The following ASTN1 variants were observed in gnomAD, a reference collection of about 807,000 sequenced individuals.
The protein encoded by ASTN1 is astrotactin-1.
A neutral mutation model predicts 140.7 loss-of-function variants in ASTN1; 41 were observed. The ratio of observed to expected loss-of-function variants is 0.29; its 90% CI spans 0.23 to 0.38. The LOEUF (loss-of-function observed/expected upper bound fraction) is 0.38, where lower values mean the gene tolerates loss of function less well. Among genes scored for constraint, ASTN1 ranks in the 10% least tolerant of loss-of-function variants. ASTN1 has a pLI of 1.00. For synonymous variants in ASTN1, 640 were observed against 652.2 expected, an observed-to-expected ratio of 0.98 and a Z score of 0.29; for missense variants, 1,479 against 1,678.8, an observed-to-expected ratio of 0.88 and a Z score of 2.08.
chr1:176,866,521 G>T (rs1439490471), intron 22 of ASTN1, among the ~76,000 whole-genome samples: 1 of 152,128 alleles, frequency 6.6e-6, no homozygotes, highest in Non-Finnish European at 1.5e-5. Flanking sequence ...GAAGAAAGAG[G>T]GAGTGGCAGA....
intron 1 of ASTN1, among the ~76,000 whole-genome samples, chr1:177,124,959 A>G (rs1681573005): frequency 6.6e-6 from 1 of 152,232 alleles, no homozygotes. Flanking sequence ...GCAAGTGTTC[A>G]GCCAGCATCA....
rs1411325059 is a variant in ASTN1 at position 177,032,571 on chromosome 1, G to A, written c.750C>T (p.Arg250=). 4 of 1,614,218 alleles carry A rather than the reference G, an allele frequency of 2.5e-6. No homozygotes were observed. The highest frequency in any genetic ancestry group is 4.5e-5 in the East Asian group (2 of 44,878). Residue 250 remains arginine (R), a synonymous_variant, in exon 3 of 23, where the codon CGC becomes CGT. Coordinates refer to ENST00000361833, the MANE Select transcript of ASTN1 (RefSeq NM_004319.3). The stretch of plus-strand genomic sequence containing the variant: ...TCATGCACTCCCTCTGCAGATGGTG[G>A]CGCAGATCAGTGATGTCATACTCAT... ...DGYEYDITDL[R]HHLQRECMNG...
intron 1 of ASTN1, among the ~76,000 whole-genome samples, chr1:177,089,629 A>G (rs1679644293): frequency 2.6e-5 from 4 of 152,148 alleles, no homozygotes; most frequent in African/African-American, 9.6e-5. Context: ...AGACAAATGC[A>G]TGAAGGGCTG....
Position 176,894,563 on chromosome 1 carries a change from C to G in ASTN1, c.2939G>C (p.Arg980Thr). ...AGCCAAGAGTCCCAGGCCTCTTACC[C>G]TCTGGGTCTGGTTGTTGGTCACTAG... ...YELVTNNQTQ[R>T]LLQEATMSSL... Residue 980 changes from arginine to threonine, a missense_variant and splice_region_variant, in exon 17 of 23, where the codon AGG becomes ACG. Physicochemically the swap from Arg to Thr is moderately conservative, Grantham distance 71. Around this residue, in one of 3 missense-constraint regions of ASTN1, gnomAD observed 746 missense variants for 800.9 expected, o/e 0.93. Coordinates refer to ENST00000361833, the MANE Select transcript of ASTN1 (RefSeq NM_004319.3). 6.2e-7 allele frequency: 1 copy of G among 1,613,876 alleles called. No individual in the cohort carries two copies. Among genetic ancestry groups the G allele is most frequent in the Non-Finnish European group, 8.5e-7 (1 of 1,179,980 alleles).
intron 7 of ASTN1, among the ~76,000 whole-genome samples, chr1:177,018,743 C>A (rs1218037039): frequency 6.6e-6 from 1 of 152,120 alleles, no homozygotes; most frequent in Admixed American, 6.5e-5. Flanking sequence ...AGAGAAAGGT[C>A]ACTGAAACCA....
At chr1:176,883,427 C>T (rs1668893764) in intron 19 of ASTN1, among the ~76,000 whole-genome samples, 1 of 152,088 alleles carries the variant, frequency 6.6e-6, no homozygotes, top group African/African-American at 2.4e-5. Flanking sequence ...AAATCCTGAC[C>T]TCGTGATCCG....
intron 8 of ASTN1, among the ~76,000 whole-genome samples, chr1:177,005,936 T>A (rs1297709584): frequency 1.3e-5 from 2 of 152,196 alleles, no homozygotes; most frequent in Non-Finnish European, 2.9e-5. Flanking sequence ...TAGCATTATG[T>A]GAGGGATTAC....
intron 1 of ASTN1, 62 bp from the exon 2 acceptor site, chr1:177,061,327 T>C: frequency 1.4e-6 from 2 of 1,406,934 alleles, no homozygotes; most frequent in Non-Finnish European, 1.9e-6. Context: ...TTTCATCTTC[T>C]TCCTCGCCAC....
At chr1:177,073,766 C>A (rs904176604) in intron 1 of ASTN1, among the ~76,000 whole-genome samples, 5 of 151,342 alleles carry the variant, frequency 3.3e-5, no homozygotes, top group African/African-American at 1.2e-4. Flanking sequence ...AAGGCTCTTG[C>A]ACATACTACC....
In ASTN1 at chr1:176,887,366, C is replaced by T. The variant is rs554440482; in HGVS notation, c.3074+705G>A. Among the ~76,000 whole-genome samples the T allele has an allele frequency of 6.6e-5, 10 of 152,304 alleles. No homozygotes were observed. In the South Asian group the frequency reaches 1.5e-3, roughly 22 times the overall value. On this transcript the variant is annotated intron_variant, in intron 18 of 22. Coordinates refer to ENST00000361833, the MANE Select transcript of ASTN1 (RefSeq NM_004319.3). ...TTGATTCTTCTTTGCTCACTGGTGG[C>T]CTATTCATCTTCCCAGCCACCAGGG...
chr1:176,894,835 A>G lies in ASTN1; in HGVS notation c.2672-5T>C. On this transcript the variant is annotated splice_polypyrimidine_tract_variant and splice_region_variant and intron_variant, in intron 16 of 22. Transcript: ENST00000361833. ...ACTCATCTGATGGGGAGTTGCCTGC[A>G]GACACAAAATGGAAAGAAACAGTGA... 2 of 1,613,354 alleles carry G rather than the reference A, an allele frequency of 1.2e-6. No homozygotes were observed. Among genetic ancestry groups the G allele is most frequent in the Non-Finnish European group, 1.7e-6 (2 of 1,180,032 alleles).
chr1:176,963,513 G>GTA (rs1239466454), intron 9 of ASTN1, among the ~76,000 whole-genome samples: 1 of 152,152 alleles, frequency 6.6e-6, no homozygotes, highest in Non-Finnish European at 1.5e-5. Flanking sequence ...TGAGATATCT[G>GTA]ACCTCATGGG....
intron 11 of ASTN1, among the ~76,000 whole-genome samples, chr1:176,955,988 A>T (rs752889973): frequency 6.6e-6 from 1 of 152,206 alleles, no homozygotes; most frequent in East Asian, 1.9e-4. Flanking sequence ...TTTTTTTAAA[A>T]GTGTCTCAGC....
chr1:177,110,862 C>T (rs564436192), intron 1 of ASTN1, among the ~76,000 whole-genome samples: 11 of 152,288 alleles, frequency 7.2e-5, no homozygotes, highest in African/African-American at 2.4e-5. Context: ...TTCAGGTTAC[C>T]TCTAATATAG....
At chr1:177,117,821 A>G (rs538556558) in intron 1 of ASTN1, among the ~76,000 whole-genome samples, 1 of 152,252 alleles carries the variant, frequency 6.6e-6, no homozygotes, top group South Asian at 2.1e-4. Flanking sequence ...CTACTAAAAT[A>G]TCAATCACCC....
chr1:176,986,901 C>T (rs1403962090), intron 8 of ASTN1, among the ~76,000 whole-genome samples: 2 of 152,172 alleles, frequency 1.3e-5, no homozygotes, highest in East Asian at 1.9e-4. Context: ...TTATTATTCT[C>T]ATCATCACCT....
intron 14 of ASTN1, among the ~76,000 whole-genome samples, chr1:176,939,264 G>A (rs1671583491): frequency 6.6e-6 from 1 of 152,138 alleles, no homozygotes. Flanking sequence ...TGGTGCTTTT[G>A]TTATAACTTC....
chr1:176,974,387 ATT>A (rs766484411), intron 8 of ASTN1, among the ~76,000 whole-genome samples: 9 of 143,920 alleles, frequency 6.3e-5, no homozygotes, highest in South Asian at 2.2e-4. Context: ...GTTGAAAAGA[ATT>A]TTTTTTTTTT....
intron 17 of ASTN1, 38 bp downstream of exon 17, chr1:176,894,524 T>C (rs1434772840): frequency 1.0e-5 from 16 of 1,602,778 alleles, no homozygotes; most frequent in African/African-American, 1.3e-5. Flanking sequence ...TCTGTTGTGG[T>C]TGACGCCTCC....
Sources: allele counts gnomAD v4.1 joint callset (sites outside exome capture counted in the v4.1 genomes callset), GRCh38; gene constraint gnomAD v4.1.1; regional missense constraint gnomAD v4.1.1; transcripts MANE v1.5; gene names NCBI Gene and HGNC (gene_info 2026-07-23, HGNC 2026-07-21).